Variants in CNTNAP2 observed in about 807,000 individuals in gnomAD.
CNTNAP2 encodes contactin associated protein 2.
In CNTNAP2, 98 loss-of-function variants were observed where a neutral mutation model predicts 155.2. That is an observed-to-expected ratio of 0.63 (90% CI 0.54 to 0.75). The LOEUF (loss-of-function observed/expected upper bound fraction) is 0.75. Ranked by LOEUF, CNTNAP2 falls within the 30% of genes least tolerant of loss-of-function variation. The pLI, the probability that CNTNAP2 is intolerant of heterozygous loss-of-function variation, is 0.00. For synonymous variants in CNTNAP2, 651 were observed against 631.2 expected, an observed-to-expected ratio of 1.03 and a Z score of -0.47; for missense variants, 1,727 against 1,688.1, an observed-to-expected ratio of 1.02 and a Z score of -0.40.
At chr7:146,589,234 A>G (rs1312259238) in intron 1 of CNTNAP2, among the ~76,000 whole-genome samples, 3 of 151,996 alleles carry the variant, frequency 2.0e-5, no homozygotes, top group South Asian at 4.1e-4. Context: ...TAGGCTTACT[A>G]TAAAAAACAA....
At chr7:147,673,489 T>C (rs1795820947) in intron 13 of CNTNAP2, among the ~76,000 whole-genome samples, 1 of 152,222 alleles carries the variant, frequency 6.6e-6, no homozygotes. Context: ...GGAATAAATC[T>C]AAAGCTCATC....
At chr7:148,338,913 T>C (rs1798171803) in intron 21 of CNTNAP2, among the ~76,000 whole-genome samples, 1 of 152,138 alleles carries the variant, frequency 6.6e-6, no homozygotes, top group Admixed American at 6.5e-5. Flanking sequence ...ACGTAACCTG[T>C]GCTCTGAGAG....
chr7:147,009,106 T>C (rs1798577999), intron 3 of CNTNAP2, among the ~76,000 whole-genome samples: 1 of 152,102 alleles, frequency 6.6e-6, no homozygotes, highest in South Asian at 2.1e-4. Context: ...TATGCATATA[T>C]AGAAAACACA....
chr7:146,621,673 A>G (rs571204019), intron 1 of CNTNAP2, among the ~76,000 whole-genome samples: 119 of 152,292 alleles, frequency 7.8e-4, no homozygotes, highest in African/African-American at 2.8e-3. Flanking sequence ...GATACACACT[A>G]GCAACACGAC....
chr7:147,717,048 A>G (rs993919200), intron 13 of CNTNAP2, among the ~76,000 whole-genome samples: 1 of 152,108 alleles, frequency 6.6e-6, no homozygotes, highest in South Asian at 2.1e-4. Context: ...TATTTTGACA[A>G]CAATATCAGT....
At chr7:146,721,468 CATTCTATATAT>C (rs1234746174) in intron 1 of CNTNAP2, among the ~76,000 whole-genome samples, 4 of 114,646 alleles carry the variant, frequency 3.5e-5, no homozygotes, top group Admixed American at 9.1e-5. Flanking sequence ...ATTTTATATA[CATTCTATATAT>C]ATTCTATATA....
chr7:146,460,392 G>A (rs768729083), intron 1 of CNTNAP2, among the ~76,000 whole-genome samples: 1 of 151,150 alleles, frequency 6.6e-6, no homozygotes, highest in Non-Finnish European at 1.5e-5. Context: ...ATTAAAAATA[G>A]AACTACTCTA....
intron 10 of CNTNAP2, among the ~76,000 whole-genome samples, chr7:147,483,208 G>T (rs1334461381): frequency 7.4e-6 from 1 of 134,694 alleles, no homozygotes; most frequent in East Asian, 2.1e-4. Context: ...CCAACCAATG[G>T]CAAATAGAAA....
intron 1 of CNTNAP2, among the ~76,000 whole-genome samples, chr7:146,131,211 A>G (rs1054969263): frequency 1.3e-5 from 2 of 152,168 alleles, no homozygotes; most frequent in African/African-American, 2.4e-5. Flanking sequence ...TCCCCTTGGC[A>G]TTACTATGTT....
chr7:146,650,171 T>C (rs561707079), intron 1 of CNTNAP2, among the ~76,000 whole-genome samples: 1 of 152,258 alleles, frequency 6.6e-6, no homozygotes, highest in Admixed American at 6.5e-5. Context: ...GAAATACCAT[T>C]TGACCCAGCA....
At chr7:148,106,029 T>C (rs1158056157) in intron 15 of CNTNAP2, among the ~76,000 whole-genome samples, 1 of 152,112 alleles carries the variant, frequency 6.6e-6, no homozygotes, top group Non-Finnish European at 1.5e-5. Context: ...GCAGAAGGAA[T>C]GGAGAGGAGG....
intron 15 of CNTNAP2, among the ~76,000 whole-genome samples, chr7:148,015,678 CA>C (rs1163020447): frequency 2.2e-4 from 33 of 152,188 alleles, no homozygotes; most frequent in Admixed American, 1.9e-3. Flanking sequence ...CAACACACAC[CA>C]ACCACTTTCA....
intron 1 of CNTNAP2, among the ~76,000 whole-genome samples, chr7:146,323,980 G>C (rs770238206): frequency 6.6e-6 from 1 of 151,940 alleles, no homozygotes; most frequent in Non-Finnish European, 1.5e-5. Context: ...TTTATTTCTC[G>C]TCATATGGCC....
chr7:146,738,855 A>G (rs551566948), intron 1 of CNTNAP2, among the ~76,000 whole-genome samples: 1 of 144,478 alleles, frequency 6.9e-6, no homozygotes, highest in African/African-American at 2.6e-5. Context: ...TTTTTTTTTC[A>G]TAATTCACTC....
At chr7:146,130,794 G>T (rs1236293479) in intron 1 of CNTNAP2, among the ~76,000 whole-genome samples, 1 of 152,200 alleles carries the variant, frequency 6.6e-6, no homozygotes, top group Non-Finnish European at 1.5e-5. Context: ...CATGGCAGAA[G>T]GCAAAGGGGA....
intron 15 of CNTNAP2, among the ~76,000 whole-genome samples, chr7:148,075,367 A>G (rs1302161021): frequency 6.6e-6 from 1 of 152,018 alleles, no homozygotes; most frequent in Non-Finnish European, 1.5e-5. Context: ...AACCCGGGAG[A>G]CAGAGATTGC....
At chr7:147,368,305 G>A (rs1426388646) in intron 9 of CNTNAP2, among the ~76,000 whole-genome samples, 1 of 152,000 alleles carries the variant, frequency 6.6e-6, no homozygotes, top group African/African-American at 2.4e-5. Context: ...AGCACAGAAG[G>A]AGGTAGAGGA....
chr7:147,006,416 A>T lies in CNTNAP2; in HGVS notation c.403-37491A>T, dbSNP rs185784963. ...TATACATGTAAATTTATTTTACAAA[A>T]TGAAAATTTATGCCCTGTTTTTAGA... On this transcript the variant is annotated intron_variant, in intron 3 of 23. Transcript: ENST00000361727. Among the ~76,000 whole-genome samples, 27 of 152,184 alleles carry T rather than the reference A, an allele frequency of 1.8e-4. No individual in the cohort carries two copies. In the East Asian group the frequency reaches 4.6e-3, roughly 26 times the overall value.
chr7:147,254,658 C>T (rs192499813), intron 8 of CNTNAP2, among the ~76,000 whole-genome samples: 111 of 152,098 alleles, frequency 7.3e-4, no homozygotes, highest in Middle Eastern at 3.4e-3. Context: ...TTGATTCACT[C>T]GAATAACTTT....
Sources: allele counts gnomAD v4.1 joint callset (sites outside exome capture counted in the v4.1 genomes callset), GRCh38; gene constraint gnomAD v4.1.1; transcripts MANE v1.5; gene names NCBI Gene and HGNC (gene_info 2026-07-23, HGNC 2026-07-21).